The following ZNF326 variants were observed in gnomAD, a reference collection of about 807,000 sequenced individuals.
ZNF326 encodes DBIRD complex subunit ZNF326.
A neutral mutation model predicts 63.1 loss-of-function variants in ZNF326; 30 were observed. That is an observed-to-expected ratio of 0.48 (90% CI 0.36 to 0.64). The LOEUF is 0.64. Among genes scored for constraint, ZNF326 ranks in the 30% least tolerant of loss-of-function variants. ZNF326 has a pLI of 0.00. For synonymous variants in ZNF326, 194 were observed against 228.2 expected (o/e 0.85, Z 1.35); for missense variants, 609 against 720.3 (o/e 0.85, Z 1.77).
At chr1:90,018,016 G>A (rs1026686949) in intron 8 of ZNF326, among the ~76,000 whole-genome samples, 6 of 152,124 alleles carry the variant, frequency 3.9e-5, no homozygotes, top group African/African-American at 9.7e-5. Flanking sequence ...TGATCAGGCC[G>A]GGCGCAGTGG....
chr1:90,013,071 A>G lies in ZNF326; in HGVS notation c.815-55A>G, dbSNP rs545045319. On this transcript the variant is annotated intron_variant, in intron 6 of 11. Coordinates refer to ENST00000340281, the MANE Select transcript of ZNF326 (RefSeq NM_182976.4). ...ATGTACTTTACGAACTGATGATTGG[A>G]AAGAGAGAATGGAAAAATGAATTTT... 8.3e-5 allele frequency: 121 copies of G among 1,452,748 alleles called. No homozygotes were observed. The African/African-American group carries it at 1.6e-3, about 19-fold the overall frequency. The allele number at this position is 1,452,748 out of a possible 1,614,324, so 90.0% of individuals were successfully genotyped here.
chr1:89,998,938 G>A (rs1648534981), intron 2 of ZNF326, among the ~76,000 whole-genome samples: 1 of 152,146 alleles, frequency 6.6e-6, no homozygotes, highest in Non-Finnish European at 1.5e-5. Flanking sequence ...CCATTTATGG[G>A]AATAATTACT....
At chr1:90,011,839 T>C (rs1649261862) in intron 6 of ZNF326, among the ~76,000 whole-genome samples, 1 of 152,142 alleles carries the variant, frequency 6.6e-6, no homozygotes. Context: ...TTTATTTATT[T>C]ATTTATTTTT....
In ZNF326 at chr1:90,010,137, A is replaced by G. The variant is rs758611505; in HGVS notation, c.665A>G (p.Tyr222Cys). The part of the protein sequence containing the change: ...SIHRPGIVVD[Y>C]QNKSTNVTVA... Reference sequence around the variant, plus strand: ...CATAGACCCGGAATTGTTGTTGACTATCAAAACAAATCCACCAATGTGACA... The same window carrying G: ...CATAGACCCGGAATTGTTGTTGACTGTCAAAACAAATCCACCAATGTGACA... The change falls in exon 6 of 12, where the codon TAT becomes TGT. Residue 222 changes from tyrosine to cysteine, a missense_variant. Transcript: ENST00000340281. The G allele has an allele frequency of 2.5e-6, 4 of 1,613,854 alleles. No homozygotes were observed. The highest frequency in any genetic ancestry group is 1.3e-5 in the African/African-American group (1 of 75,038).
rs556472713 is a variant in ZNF326 at position 89,997,156 on chromosome 1, C to A, written c.17-954C>A. 2.6e-5 allele frequency among the ~76,000 whole-genome samples: 4 copies of A among 152,286 alleles called. No individual in the cohort carries two copies. The East Asian group carries it at 7.7e-4, about 29-fold the overall frequency. ...GACTAACACCATATATGAATCTATTCCTGTATAGTGTAGCAGGATTCTGTT... is the reference window on the plus strand; with the variant it reads ...GACTAACACCATATATGAATCTATTACTGTATAGTGTAGCAGGATTCTGTT... On this transcript the variant is annotated intron_variant, in intron 1 of 11. Coordinates refer to ENST00000340281, the MANE Select transcript of ZNF326 (RefSeq NM_182976.4).
intron 1 of ZNF326, among the ~76,000 whole-genome samples, chr1:89,995,835 A>G (rs538499866): frequency 1.3e-5 from 2 of 152,352 alleles, no homozygotes; most frequent in South Asian, 2.1e-4. Context: ...GGAAAGCAAG[A>G]TGTTTCCTGG....
intron 10 of ZNF326, among the ~76,000 whole-genome samples, chr1:90,021,629 T>C (rs534415655): frequency 1.3e-5 from 2 of 152,250 alleles, no homozygotes; most frequent in African/African-American, 4.8e-5. Context: ...AATCAGTTTG[T>C]TTGAAAAGCA....
chr1:90,003,157 G>T (rs1648777162), intron 2 of ZNF326, among the ~76,000 whole-genome samples: 1 of 150,008 alleles, frequency 6.7e-6, no homozygotes, highest in Admixed American at 6.6e-5. Context: ...TTTGAGACGG[G>T]TCTCACTCTG....
rs2101114544 is a variant in ZNF326, at chr1:90,034,637, A to G, written c.*6936A>G. 6.6e-6 allele frequency: 1 copy of G among 152,302 alleles called. No homozygotes were observed. The highest frequency in any genetic ancestry group is 1.5e-5 in the Non-Finnish European group (1 of 67,992). The allele number at this position is 152,302 out of a possible 1,614,324, so 9.4% of individuals were successfully genotyped here. A position where few individuals can be genotyped will look rare whatever the true frequency, so the allele number is the denominator to read the frequency against. On this transcript the variant is annotated 3_prime_UTR_variant, in exon 12 of 12. Coordinates refer to ENST00000340281, the MANE Select transcript of ZNF326 (RefSeq NM_182976.4). Reference sequence around the variant, plus strand: ...GGATAGCAATAAATCAATTTTTAAAAATCAGACAAAAGAAAACACTGTCCT... The same window carrying G: ...GGATAGCAATAAATCAATTTTTAAAGATCAGACAAAAGAAAACACTGTCCT...
At chr1:90,019,963 A>G (rs1316520121) in intron 9 of ZNF326, among the ~76,000 whole-genome samples, 1 of 152,094 alleles carries the variant, frequency 6.6e-6, no homozygotes, top group Non-Finnish European at 1.5e-5. Flanking sequence ...TCCTTACTGT[A>G]TCTATAGTAC....
intron 8 of ZNF326, 53 bp downstream of exon 8, chr1:90,017,517 G>T: frequency 2.0e-6 from 3 of 1,496,286 alleles, no homozygotes; most frequent in East Asian, 2.5e-5. Flanking sequence ...AATTTCTTAT[G>T]ATTTCATTTT....
intron 10 of ZNF326, 112 bp downstream of exon 10, chr1:90,021,034 A>G: frequency 8.7e-7 from 1 of 1,154,228 alleles, no homozygotes; most frequent in Non-Finnish European, 1.2e-6. Flanking sequence ...TCAATCTCAT[A>G]TGGAAATAAC....
Position 90,027,959 on chromosome 1 carries a change from C to T in ZNF326, c.*258C>T. 2.2e-6 allele frequency: 1 copy of T among 447,394 alleles called. No individual in the cohort carries two copies. Among genetic ancestry groups the T allele is most frequent in the Non-Finnish European group, 3.9e-6 (1 of 253,488 alleles). 27.7% of individuals were successfully genotyped at this position (447,394 alleles called of 1,614,324 possible). A position where few individuals can be genotyped will look rare whatever the true frequency, so the allele number is the denominator to read the frequency against. On this transcript the variant is annotated 3_prime_UTR_variant, in exon 12 of 12. Coordinates refer to ENST00000340281, the MANE Select transcript of ZNF326 (RefSeq NM_182976.4). ...TAATTTTTAAGCTTAATTTTTATTA[C>T]TTTATTGGTGTTAAGGATAACAAAT... is the stretch of plus-strand genomic sequence containing the variant.
rs1272442537 is a variant in ZNF326, at chr1:90,005,048, T to G, written c.97+10T>G. 3 of 1,613,960 alleles carry G rather than the reference T, an allele frequency of 1.9e-6. No homozygotes were observed. In the African/African-American group the frequency reaches 4.0e-5, roughly 22 times the overall value. On this transcript the variant is annotated intron_variant, in intron 3 of 11. Coordinates refer to ENST00000340281, the MANE Select transcript of ZNF326 (RefSeq NM_182976.4). ...CCTGGATCTTATGGAGGTCTGACAT[T>G]CAAGGATATTTATCTAAAAATTCTT...
Position 90,032,893 on chromosome 1 carries a change from T to C in ZNF326, c.*5192T>C, listed in dbSNP as rs1396766477. 6.6e-6 allele frequency: 1 copy of C among 152,276 alleles called. No individual in the cohort carries two copies. Among genetic ancestry groups the C allele is most frequent in the Non-Finnish European group, 1.5e-5 (1 of 68,048 alleles). The allele number at this position is 152,276 out of a possible 1,614,324, so 9.4% of individuals were successfully genotyped here. A position where few individuals can be genotyped will look rare whatever the true frequency, so the allele number is the denominator to read the frequency against. ...AGCATACAAATAGGGGCCATCGAAG[T>C]GTGGCAATGCCCTAGGTATATTGTG... On this transcript the variant is annotated 3_prime_UTR_variant, in exon 12 of 12. Transcript: ENST00000340281.
At position 90,035,330 on chromosome 1, in the gene ZNF326, A is replaced by G. The variant is rs1311142075; in HGVS notation, c.*7629A>G. ...AAATGACAAAAGGTAGTTTTGTTTA[A>G]TAGTTCACCATGAAAATCTGTACTA... On this transcript the variant is annotated 3_prime_UTR_variant, in exon 12 of 12. Coordinates refer to ENST00000340281, the MANE Select transcript of ZNF326 (RefSeq NM_182976.4). 6.6e-6 allele frequency: 1 copy of G among 152,244 alleles called. No individual in the cohort carries two copies. The highest frequency in any genetic ancestry group is 1.5e-5 in the Non-Finnish European group (1 of 68,032). 9.4% of individuals were successfully genotyped at this position (152,244 alleles called of 1,614,324 possible). A position where few individuals can be genotyped will look rare whatever the true frequency, so the allele number is the denominator to read the frequency against.
intron 10 of ZNF326, among the ~76,000 whole-genome samples, chr1:90,021,602 A>G (rs1649777028): frequency 6.6e-6 from 1 of 152,146 alleles, no homozygotes; most frequent in African/African-American, 2.4e-5. Context: ...GACAATACAA[A>G]TGTTTATATT....
At chr1:90,001,398 G>T (rs1187296942) in intron 2 of ZNF326, among the ~76,000 whole-genome samples, 1 of 152,174 alleles carries the variant, frequency 6.6e-6, no homozygotes, top group Non-Finnish European at 1.5e-5. Context: ...GAGCAAAAGT[G>T]GAGCAGGAAA....
chr1:90,017,815 T>C (rs1214006206), intron 8 of ZNF326, among the ~76,000 whole-genome samples: 1 of 152,204 alleles, frequency 6.6e-6, no homozygotes, highest in African/African-American at 2.4e-5. Context: ...TGAAAGATTA[T>C]GCTCAGAGCA....
Sources: allele counts gnomAD v4.1 joint callset (sites outside exome capture counted in the v4.1 genomes callset), GRCh38; gene constraint gnomAD v4.1.1; transcripts MANE v1.5; gene names NCBI Gene and HGNC (gene_info 2026-07-23, HGNC 2026-07-21).